CCNH: variants seen among roughly 807,000 people sequenced by gnomAD.
The protein encoded by CCNH is cyclin H.
In CCNH, 31 loss-of-function variants were observed where a neutral mutation model predicts 41.9. That is an observed-to-expected ratio of 0.74 (90% CI 0.56 to 1.00). The LOEUF (loss-of-function observed/expected upper bound fraction) is 1.00. Among genes scored for constraint, CCNH ranks in the 50% least tolerant of loss-of-function variants. The probability of loss-of-function intolerance (pLI) is 0.00; values close to 1 mark genes in which losing one functional copy is unlikely to be tolerated. For missense variants in CCNH, 362 were observed against 388.4 expected, an observed-to-expected ratio of 0.93 and a Z score of 0.57; for synonymous variants, 138 against 136.1, an observed-to-expected ratio of 1.01 and a Z score of -0.10.
chr5:87,327,912 C>T (rs1046198489), intron 9 of CCNH, among the ~76,000 whole-genome samples: 3 of 151,466 alleles, frequency 2.0e-5, no homozygotes, highest in Non-Finnish European at 4.4e-5. Flanking sequence ...TTGCAGTGAG[C>T]CATAAGAGCA....
At chr5:87,327,992 C>T (rs1288713840) in intron 9 of CCNH, among the ~76,000 whole-genome samples, 1 of 151,380 alleles carries the variant, frequency 6.6e-6, no homozygotes, top group Non-Finnish European at 1.5e-5. Flanking sequence ...AGAGAGAGAA[C>T]TTCCTATGTG....
At chr5:87,407,160 GAATTT>G (rs920493377) in intron 4 of CCNH, among the ~76,000 whole-genome samples, 19 of 152,066 alleles carry the variant, frequency 1.2e-4, no homozygotes, top group Admixed American at 5.9e-4. Flanking sequence ...TTCCTACTCT[GAATTT>G]TATTTTAAAT....
chr5:87,384,072 T>C (rs764923370), intron 9 of CCNH, among the ~76,000 whole-genome samples: 63 of 152,136 alleles, frequency 4.1e-4, no homozygotes, highest in Non-Finnish European at 4.3e-4. Flanking sequence ...TGACTTCTTG[T>C]AGTCTGCAGC....
intron 8 of CCNH, 72 bp downstream of exon 8, chr5:87,394,972 A>ATCTT (rs775319439): frequency 1.2e-6 from 2 of 1,604,580 alleles, no homozygotes; most frequent in Admixed American, 3.4e-5. Flanking sequence ...TGGAGAATAA[A>ATCTT]TCTTAACAGT....
chr5:87,412,525 G>A, intron 1 of CCNH, 153 bp downstream of exon 1: 2 of 1,442,176 alleles, frequency 1.4e-6, no homozygotes, highest in Non-Finnish European at 9.1e-7. Flanking sequence ...ACGGAACCTG[G>A]CAAGGTGCTC....
chr5:87,394,342 A>C lies in CCNH; in HGVS notation c.*104T>G. 1 of 1,452,516 alleles carries C rather than the reference A, an allele frequency of 6.9e-7. No individual in the cohort carries two copies. Among genetic ancestry groups the C allele is most frequent in the Non-Finnish European group, 9.1e-7 (1 of 1,095,566 alleles). 90.0% of individuals were successfully genotyped at this position (1,452,516 alleles called of 1,614,324 possible). On this transcript the variant is annotated 3_prime_UTR_variant, in exon 9 of 9. Transcript: ENST00000256897. Reference sequence around the variant, plus strand: ...GAAAGAAAACAATAGAAAAGTTTTAATATATTTTATGTTTTCACATTATAC... The same window carrying C: ...GAAAGAAAACAATAGAAAAGTTTTACTATATTTTATGTTTTCACATTATAC...
At chr5:87,388,109 G>A (rs775143767), downstream of CCNH, among the ~76,000 whole-genome samples, 1 of 152,110 alleles carries the variant, frequency 6.6e-6, no homozygotes, top group African/African-American at 2.4e-5. Flanking sequence ...CATCCCCTGT[G>A]TATCTGTGAT....
At chr5:87,390,797 T>C, downstream of CCNH, 1 of 1,609,278 alleles carries the variant, frequency 6.2e-7, no homozygotes, top group Non-Finnish European at 8.5e-7. Flanking sequence ...TTCCTCTGTC[T>C]AGCACGTATT....
downstream of CCNH, among the ~76,000 whole-genome samples, chr5:87,374,525 C>T (rs1761187203): frequency 6.9e-6 from 1 of 145,072 alleles, no homozygotes; most frequent in Non-Finnish European, 1.5e-5. Context: ...TTGGTTTTTC[C>T]ACTTAGTTAT....
intron 9 of CCNH, among the ~76,000 whole-genome samples, chr5:87,320,415 G>A (rs903659675): frequency 6.6e-6 from 1 of 152,166 alleles, no homozygotes; most frequent in Non-Finnish European, 1.5e-5. Flanking sequence ...GGTAATTTAT[G>A]AAGAAAAGGT....
At chr5:87,363,017 G>A (rs947207076) in intron 9 of CCNH, among the ~76,000 whole-genome samples, 2 of 151,592 alleles carry the variant, frequency 1.3e-5, no homozygotes, top group African/African-American at 4.8e-5. Context: ...GTGGGTGGGG[G>A]TGTGCTTTAT....
intron 9 of CCNH, chr5:87,346,865 G>T: frequency 1.8e-6 from 1 of 550,412 alleles, no homozygotes; most frequent in Non-Finnish European, 3.2e-6. Flanking sequence ...CTAAGAAGCT[G>T]GTGTTTTTAT....
exon 1 of CCNH, chr5:87,376,717 G>C (rs548318611): frequency 8.3e-7 from 1 of 1,208,762 alleles, no homozygotes; most frequent in African/African-American, 1.5e-5. Flanking sequence ...TGTAATTTTG[G>C]TAGAAATAAG....
rs533874501 is a variant in CCNH at position 87,394,970 on chromosome 5, A to G, written c.933+74T>C. The stretch of plus-strand genomic sequence containing the variant: ...TATAATGCCTGTACTCTTGGAGAAT[A>G]AATCTTAACAGTATAGTCACACCAG... On this transcript the variant is annotated intron_variant, in intron 8 of 8. Transcript: ENST00000256897. The G allele has an allele frequency of 2.1e-5, 33 of 1,602,492 alleles. No homozygotes were observed. The Admixed American group carries it at 2.3e-4, about 11-fold the overall frequency.
At chr5:87,361,672 T>A (rs1760103285) in intron 9 of CCNH, among the ~76,000 whole-genome samples, 1 of 152,180 alleles carries the variant, frequency 6.6e-6, no homozygotes, top group South Asian at 2.1e-4. Context: ...TTAATGTAAG[T>A]TCTGCTATAA....
At chr5:87,356,504 C>T (rs892880324) in intron 9 of CCNH, among the ~76,000 whole-genome samples, 1 of 151,932 alleles carries the variant, frequency 6.6e-6, no homozygotes, top group Non-Finnish European at 1.5e-5. Flanking sequence ...ATCCTCCTGC[C>T]TCAGGCTCCC....
rs189798389 is a variant in CCNH at position 87,346,235 on chromosome 5, G to A, written c.*91-27338C>T. ...TATTCTGACTTTCAGCAAAGTAAGAGTCAATATCTTGATTTTATTTGAGGA... is the reference window on the plus strand; with the variant it reads ...TATTCTGACTTTCAGCAAAGTAAGAATCAATATCTTGATTTTATTTGAGGA... On this transcript the variant is annotated intron_variant and NMD_transcript_variant, in intron 9 of 9. Transcript: ENST00000645953. Among the ~76,000 whole-genome samples, 45 of 152,080 alleles carry A rather than the reference G, an allele frequency of 3.0e-4. No individual in the cohort carries two copies. In the Middle Eastern group the frequency reaches 0.017, roughly 57 times the overall value.
chr5:87,319,337 C>T (rs1040680766), intron 9 of CCNH, among the ~76,000 whole-genome samples: 6 of 152,200 alleles, frequency 3.9e-5, no homozygotes, highest in African/African-American at 1.2e-4. Flanking sequence ...TCCCACATTT[C>T]CCCCTCTGCA....
At chr5:87,375,230 A>T, downstream of CCNH, among the ~76,000 whole-genome samples, 1 of 151,980 alleles carries the variant, frequency 6.6e-6, no homozygotes, top group East Asian at 1.9e-4. Context: ...GCTTGCCCTC[A>T]TCCCTTCTTT....
Sources: allele counts gnomAD v4.1 joint callset (sites outside exome capture counted in the v4.1 genomes callset), GRCh38; gene constraint gnomAD v4.1.1; transcripts MANE v1.5; gene names NCBI Gene and HGNC (gene_info 2026-07-23, HGNC 2026-07-21).